APC: variants seen among roughly 807,000 people sequenced by gnomAD.
APC encodes APC regulator of Wnt signaling pathway, also known as adenomatous polyposis coli protein.
APC carries 72 observed loss-of-function variants against 247.0 expected under a neutral mutation model. The observed-to-expected ratio is 0.29, with a 90% confidence interval of 0.24 to 0.35. The LOEUF (loss-of-function observed/expected upper bound fraction) is 0.35. Ranked by LOEUF, APC falls within the 10% of genes least tolerant of loss-of-function variation. The pLI is 1.00. For missense variants in APC, 3,400 were observed against 3,360.7 expected (o/e 1.01, Z -0.29); for synonymous variants, 1,254 against 1,162.5 (o/e 1.08, Z -1.60).
intron 5 of APC, 66 bp from the exon 6 acceptor site, chr5:112,780,724 T>C (rs1381245455): frequency 8.8e-7 from 1 of 1,141,324 alleles, no homozygotes; most frequent in African/African-American, 1.6e-5. Flanking sequence ...TCTTATATGC[T>C]TTTTTGCTTT....
intron 1 of APC, among the ~76,000 whole-genome samples, chr5:112,718,631 CCTTT>C (rs1341445086): frequency 6.6e-6 from 1 of 152,244 alleles, no homozygotes; most frequent in East Asian, 1.9e-4. Context: ...GCTGGGGTCA[CCTTT>C]CTGGGTTCCT....
At chr5:112,822,503 TA>T (rs1181061712) in intron 11 of APC, among the ~76,000 whole-genome samples, 1 of 152,222 alleles carries the variant, frequency 6.6e-6, no homozygotes, top group African/African-American at 2.4e-5. Flanking sequence ...AGAAAAGTAT[TA>T]TGCTTTAAGT....
Position 112,728,585 on chromosome 5 carries a change from C to G in APC, c.165+20703C>G, listed in dbSNP as rs185982618. Among the ~76,000 whole-genome samples, 475 of 152,122 alleles carry G rather than the reference C, an allele frequency of 3.1e-3. 1 individual carries two copies. The highest frequency in any genetic ancestry group is 5.4e-3 in the South Asian group (26 of 4,818). ...TTTAGAAAAATAAAGTTCTTACGCA[C>G]AGTTTTTTCTAAATCTTTTGTTAAT... On this transcript the variant is annotated intron_variant, in intron 1 of 13. Coordinates refer to the APC transcript ENST00000507379.
intron 1 of APC, among the ~76,000 whole-genome samples, chr5:112,708,663 A>G (rs1254058338): frequency 1.3e-5 from 2 of 152,232 alleles, no homozygotes; most frequent in African/African-American, 2.4e-5. Flanking sequence ...TAAATTGCCT[A>G]CTGACGTCTT....
chr5:112,788,069 G>C (rs780168990), intron 6 of APC, among the ~76,000 whole-genome samples: 19 of 152,000 alleles, frequency 1.3e-4, no homozygotes, highest in Non-Finnish European at 1.8e-4. Context: ...GTTCCTCATC[G>C]ATGAGTAATG....
At chr5:112,731,310 C>T (rs1209145399) in intron 1 of APC, among the ~76,000 whole-genome samples, 1 of 152,028 alleles carries the variant, frequency 6.6e-6, no homozygotes, top group East Asian at 1.9e-4. Flanking sequence ...ATACCTGAGA[C>T]TGGGTAATTT....
chr5:112,836,165 TCCCCC>T (rs59050067), intron 15 of APC, among the ~76,000 whole-genome samples: 7 of 24,480 alleles, frequency 2.9e-4, no homozygotes, highest in African/African-American at 6.3e-4. Flanking sequence ...GGATTACAGG[TCCCCC>T]CCCCCCCCCG....
At chr5:112,814,780 C>T (rs1479314139) in intron 8 of APC, among the ~76,000 whole-genome samples, 4 of 152,198 alleles carry the variant, frequency 2.6e-5, no homozygotes, top group Admixed American at 2.0e-4. Flanking sequence ...TTAACCCAAC[C>T]TTTATCTCTA....
At chr5:112,708,475 G>T (rs1750662233) in intron 1 of APC, among the ~76,000 whole-genome samples, 1 of 152,112 alleles carries the variant, frequency 6.6e-6, no homozygotes, top group African/African-American at 2.4e-5. Context: ...TTTTTCGGCT[G>T]TAGGAAATCT....
rs980704771 is a variant in APC at position 112,707,765 on chromosome 5, T to C, written c.48T>C (p.Ser16=). 4.7e-5 allele frequency: 64 copies of C among 1,370,640 alleles called. No homozygotes were observed. Among genetic ancestry groups the C allele is most frequent in the Non-Finnish European group, 5.8e-5 (60 of 1,038,774 alleles). The allele number at this position is 1,370,640 out of a possible 1,614,324, so 84.9% of individuals were successfully genotyped here. ...GTCCGGTCGCCCCTTTGCCCGCTTC[T>C]GTACCACCCTCAGTTCTCGGGTCCT... The change falls in exon 1 of 14, where the codon TCT becomes TCC. Residue 16 remains serine, a synonymous_variant. Transcript: ENST00000507379.
At chr5:112,760,835 A>C (rs1581140945) in intron 2 of APC, among the ~76,000 whole-genome samples, 5 of 151,128 alleles carry the variant, frequency 3.3e-5, no homozygotes, top group Non-Finnish European at 1.5e-5. Context: ...TTCAAGACAG[A>C]GTCTCGCTCT....
intron 8 of APC, among the ~76,000 whole-genome samples, chr5:112,808,872 G>T (rs1761694463): frequency 6.6e-6 from 1 of 152,160 alleles, no homozygotes; most frequent in Non-Finnish European, 1.5e-5. Context: ...TTAGGGATTG[G>T]ATATGAGTGT....
At chr5:112,823,983 G>C (rs1763400378) in intron 11 of APC, among the ~76,000 whole-genome samples, 1 of 152,196 alleles carries the variant, frequency 6.6e-6, no homozygotes, top group African/African-American at 2.4e-5. Flanking sequence ...TGTTGAGCCT[G>C]TGATATTTAT....
chr5:112,781,624 A>T (rs543856708), intron 6 of APC, among the ~76,000 whole-genome samples: 4 of 152,342 alleles, frequency 2.6e-5, no homozygotes, highest in Admixed American at 6.5e-5. Flanking sequence ...GCAGAGACCA[A>T]CATTTACATG....
At position 112,802,492 on chromosome 5, in the gene APC, G is replaced by A. The variant is rs77862570; in HGVS notation, c.834+1109G>A. Among the ~76,000 whole-genome samples, 8,004 of 151,988 alleles carry A rather than the reference G, an allele frequency of 0.053. 402 individuals carry two copies. Among genetic ancestry groups the A allele is most frequent in the East Asian group, 0.13 (693 of 5,180 alleles). ...TATGACAGAAAAAAATATTTACATA[G>A]GAATAGATCTACTCGTAGTGCTTTG... is the stretch of plus-strand genomic sequence containing the variant. On this transcript the variant is annotated intron_variant, in intron 8 of 15. Coordinates refer to ENST00000257430, the MANE Select transcript of APC (RefSeq NM_000038.6).
intron 1 of APC, among the ~76,000 whole-genome samples, chr5:112,751,073 G>A (rs919974228): frequency 1.3e-5 from 2 of 151,890 alleles, no homozygotes; most frequent in African/African-American, 4.8e-5. Context: ...TTCATGTACT[G>A]GTATTGTAGC....
chr5:112,827,079 T>TCGA (rs762731623), intron 11 of APC, 29 bp from the exon 12 acceptor site: 1 of 1,612,312 alleles, frequency 6.2e-7, no homozygotes, highest in South Asian at 1.1e-5. Flanking sequence ...TAGATGATTG[T>TCGA]CTTTTTCCTC....
Position 112,838,446 on chromosome 5 carries a change from A to T in APC, c.2852A>T (p.Tyr951Phe), listed in dbSNP as rs756210930. Residue 951 changes from tyrosine (Y) to phenylalanine (F), a missense_variant, in exon 16 of 16, where the codon TAT (tyrosine) becomes TTT (phenylalanine). Transcript: ENST00000257430. The stretch of plus-strand genomic sequence containing the variant: ...TCAAATAGGACATGTTCTATGCCTT[A>T]TGCCAAATTAGAATACAAGAGATCT... ...ENSNRTCSMP[Y>F]AKLEYKRSSN... 2.5e-6 allele frequency: 4 copies of T among 1,614,228 alleles called. No homozygotes were observed. Among genetic ancestry groups the T allele is most frequent in the South Asian group, 1.1e-5 (1 of 91,086 alleles).
At position 112,845,903 on chromosome 5, in the gene APC, G is replaced by A. The variant is rs1766948946; in HGVS notation, c.*1777G>A. Reference sequence around the variant, plus strand: ...GGGAAAACCTTTTTAAGCATGGTGGGGCACTCAGATAGGAGTGAATACACC... The same window carrying A: ...GGGAAAACCTTTTTAAGCATGGTGGAGCACTCAGATAGGAGTGAATACACC... On this transcript the variant is annotated 3_prime_UTR_variant, in exon 16 of 16. Transcript: ENST00000257430. 4.3e-6 allele frequency: 1 copy of A among 232,076 alleles called. No individual in the cohort carries two copies. Among genetic ancestry groups the A allele is most frequent in the Admixed American group, 5.6e-5 (1 of 17,746 alleles). The allele number at this position is 232,076 out of a possible 1,614,324, so 14.4% of individuals were successfully genotyped here. A position where few individuals can be genotyped will look rare whatever the true frequency, so the allele number is the denominator to read the frequency against.
Sources: gnomAD v4.1 joint callset for allele counts (sites outside exome capture counted in the v4.1 genomes callset) on GRCh38, gnomAD v4.1.1 for gene constraint, MANE v1.5 for transcripts, NCBI Gene and HGNC (gene_info 2026-07-23, HGNC 2026-07-21) for gene names.